Variants in FAM199X observed in about 807,000 individuals in gnomAD.
FAM199X encodes protein FAM199X.
In FAM199X, 4 loss-of-function variants were observed where a neutral mutation model predicts 22.9. The observed-to-expected ratio is 0.17, with a 90% CI of 0.09 to 0.40. The LOEUF (loss-of-function observed/expected upper bound fraction) is 0.40, where lower values mean the gene tolerates loss of function less well. Among genes scored for constraint, FAM199X ranks in the 10% least tolerant of loss-of-function variants. The pLI is 1.00. For missense variants in FAM199X, 183 were observed against 306.8 expected (o/e 0.60, Z 3.01); for synonymous variants, 101 against 112.3 (o/e 0.90, Z 0.64).
At chrX:104,185,062 ATT>A (rs782075983) in intron 2 of FAM199X, among the ~76,000 whole-genome samples, 21 of 77,937 alleles carry the variant, frequency 2.7e-4, no homozygotes, top group African/African-American at 6.9e-4. Flanking sequence ...AGGCATGATA[ATT>A]TTTTTTTTTT....
In FAM199X at chrX:104,181,285, G is replaced by A. The variant is rs183860847; in HGVS notation, c.418-4781G>A. On this transcript the variant is annotated intron_variant, in intron 2 of 5. Transcript: ENST00000493442. ...CCAAATATTGCCCATGAAAAATATG[G>A]GCTGAGAGTTATTAAGTATTTATTC... 1.7e-3 allele frequency among the ~76,000 whole-genome samples: 193 copies of A among 112,133 alleles called. 1 individual carries two copies. Among genetic ancestry groups the A allele is most frequent in the Non-Finnish European group, 1.2e-3 (64 of 53,226 alleles).
upstream of FAM199X, among the ~76,000 whole-genome samples, chrX:104,163,983 T>G (rs1301617634): frequency 2.7e-5 from 3 of 111,843 alleles, no homozygotes; most frequent in African/African-American, 9.8e-5. Context: ...CCTCTTTTTT[T>G]TTAAAAAAAA....
the FAM199X span, among the ~76,000 whole-genome samples, chrX:104,158,019 AACTCAGATT>A: frequency 8.9e-6 from 1 of 112,533 alleles, no homozygotes; most frequent in Non-Finnish European, 1.9e-5. Flanking sequence ...CAGCTAAGAA[AACTCAGATT>A]AGTCAGATTG....
At chrX:104,174,299 T>G (rs1921435544) in intron 1 of FAM199X, among the ~76,000 whole-genome samples, 1 of 110,143 alleles carries the variant, frequency 9.1e-6, no homozygotes, top group Non-Finnish European at 1.9e-5. Flanking sequence ...GAGAAGTGAG[T>G]CCCTGTCTCA....
intron 1 of FAM199X, among the ~76,000 whole-genome samples, chrX:104,167,446 A>C (rs1208481857): frequency 9.1e-6 from 1 of 109,836 alleles, no homozygotes; most frequent in African/African-American, 3.3e-5. Context: ...TTAAAGCTAG[A>C]AGCTTCATTT....
chrX:104,159,205 T>C, the FAM199X span, among the ~76,000 whole-genome samples: 2 of 111,517 alleles, frequency 1.8e-5, no homozygotes, highest in Admixed American at 1.9e-4. Context: ...CCAACAAGAG[T>C]GTCTCTAGGG....
At chrX:104,184,804 T>C (rs1027045009) in intron 2 of FAM199X, among the ~76,000 whole-genome samples, 17 of 110,381 alleles carry the variant, frequency 1.5e-4, no homozygotes, top group African/African-American at 5.6e-4. Flanking sequence ...TTTTTGAGAC[T>C]GAGTCTTACT....
At chrX:104,162,081 A>G (rs1473543812), upstream of FAM199X, among the ~76,000 whole-genome samples, 1 of 111,705 alleles carries the variant, frequency 9.0e-6, no homozygotes, top group Non-Finnish European at 1.9e-5. Flanking sequence ...TTTAATTGCA[A>G]AAGTTCACAC....
chrX:104,175,623 G>A lies in FAM199X; in HGVS notation c.198G>A (p.Arg66=). The A allele has an allele frequency of 8.3e-7, 1 of 1,205,062 alleles. No homozygotes were observed. Among genetic ancestry groups the A allele is most frequent in the Non-Finnish European group, 1.1e-6 (1 of 891,718 alleles). Residue 66 remains arginine (R), a splice_region_variant and synonymous_variant, in exon 2 of 6, where the codon AGG becomes AGA. Coordinates refer to ENST00000493442, the MANE Select transcript of FAM199X (RefSeq NM_207318.4). ...TDPLHRFHTN[R]WNLTSCGTSV... is the part of the protein sequence containing the mutation. ...TTTCTTTCGTGTTGTGTTTTTGAAG[G>A]TGGAACCTAACTTCTTGTGGAACAA...
intron 5 of FAM199X, among the ~76,000 whole-genome samples, 196 bp downstream of exon 5, chrX:104,188,502 C>A (rs1174239834): frequency 9.0e-6 from 1 of 111,489 alleles, no homozygotes; most frequent in Non-Finnish European, 1.9e-5. Flanking sequence ...TTTTGACCCA[C>A]AACCATATTG....
chrX:104,169,095 A>G (rs5916907), intron 1 of FAM199X, among the ~76,000 whole-genome samples: 29,076 of 110,575 alleles, frequency 0.26, 3,411 homozygotes, highest in East Asian at 0.55. Context: ...CCTCCTCAAG[A>G]TGGTGCTTGA....
chrX:104,177,982 T>A (rs781785149), intron 2 of FAM199X, among the ~76,000 whole-genome samples: 2 of 111,628 alleles, frequency 1.8e-5, no homozygotes, highest in Non-Finnish European at 3.8e-5. Flanking sequence ...GCTGTACTTA[T>A]GATGTCATAT....
chrX:104,172,239 CAAAAAAA>C (rs782684130), intron 1 of FAM199X, among the ~76,000 whole-genome samples: 39 of 63,754 alleles, frequency 6.1e-4, no homozygotes, highest in East Asian at 1.8e-3. Context: ...CTTTCTCTTC[CAAAAAAA>C]AAAAAAAAAA....
chrX:104,165,415 CCTT>C (rs1921140626), upstream of FAM199X, among the ~76,000 whole-genome samples: 2 of 111,871 alleles, frequency 1.8e-5, no homozygotes, highest in African/African-American at 6.5e-5. Context: ...CTTCCTCCTG[CCTT>C]CTTTCATTTT....
chrX:104,166,614 C>T lies in FAM199X; in HGVS notation c.-172C>T. ...TGTGGCCTCGAGCAGCCTCTTCGCG[C>T]GGCCCCGCACCCCGGCAAGCAGCAG... On this transcript the variant is annotated 5_prime_UTR_variant, in exon 1 of 6. Transcript: ENST00000493442. 2.5e-6 allele frequency: 1 copy of T among 393,676 alleles called. No individual in the cohort carries two copies. The highest frequency in any genetic ancestry group is 4.2e-6 in the Non-Finnish European group (1 of 236,745). 32.4% of individuals were successfully genotyped at this position (393,676 alleles called of 1,213,427 possible). A position where few individuals can be genotyped will look rare whatever the true frequency, so the allele number is the denominator to read the frequency against.
intron 2 of FAM199X, among the ~76,000 whole-genome samples, 180 bp downstream of exon 2, chrX:104,176,022 AC>A (rs1556376379): frequency 1.8e-5 from 2 of 111,895 alleles, no homozygotes; most frequent in East Asian, 5.6e-4. Context: ...TTGCTAATGT[AC>A]CTTTTTGATG....
chrX:104,162,914 C>T (rs781905541), upstream of FAM199X, among the ~76,000 whole-genome samples: 6 of 111,481 alleles, frequency 5.4e-5, no homozygotes, highest in East Asian at 1.4e-3. Flanking sequence ...TAATCAAGAC[C>T]CCACATTGAA....
rs1188614636 is a variant in FAM199X at position 104,172,240 on chromosome X, A to C, written c.198-3383A>C. On this transcript the variant is annotated intron_variant, in intron 1 of 5. Coordinates refer to ENST00000493442, the MANE Select transcript of FAM199X (RefSeq NM_207318.4). ...AACGTGATGAAACCCTTTCTCTTCC[A>C]AAAAAAAAAAAAAAAAAGAAATGTG... Among the ~76,000 whole-genome samples, 33 of 92,214 alleles carry C rather than the reference A, an allele frequency of 3.6e-4. No individual in the cohort carries two copies. In the South Asian group the frequency reaches 0.014, roughly 39 times the overall value. The allele number at this position is 92,214 out of a possible 115,157, so 80.1% of individuals were successfully genotyped here.
chrX:104,167,505 C>A (rs916039677), intron 1 of FAM199X, among the ~76,000 whole-genome samples: 2 of 110,131 alleles, frequency 1.8e-5, no homozygotes, highest in Non-Finnish European at 3.8e-5. Context: ...GCCGCCACCA[C>A]CCCTACCCCA....
Sources: gnomAD v4.1 joint callset for allele counts (sites outside exome capture counted in the v4.1 genomes callset) on GRCh38, gnomAD v4.1.1 for gene constraint, MANE v1.5 for transcripts, NCBI Gene and HGNC (gene_info 2026-07-23, HGNC 2026-07-21) for gene names.